The following INPP4B variants were observed in gnomAD, a reference collection of about 807,000 sequenced individuals.
The protein encoded by INPP4B is inositol polyphosphate-4-phosphatase type II B.
INPP4B carries 55 observed loss-of-function variants against 122.5 expected under a neutral mutation model. The observed-to-expected ratio is 0.45, with a 90% confidence interval of 0.36 to 0.56. INPP4B has a LOEUF of 0.56. Ranked by LOEUF, INPP4B falls within the 20% of genes least tolerant of loss-of-function variation. The probability of loss-of-function intolerance (pLI) is 0.00; values close to 1 mark genes in which losing one functional copy is unlikely to be tolerated. For synonymous variants in INPP4B, 403 were observed against 388.7 expected, an observed-to-expected ratio of 1.04 and a Z score of -0.43; for missense variants, 1,000 against 1,097.7, an observed-to-expected ratio of 0.91 and a Z score of 1.26.
chr4:142,173,481 T>C lies in INPP4B; in HGVS notation c.1359+151A>G, dbSNP rs1826538625. The C allele has an allele frequency of 6.4e-6, 4 of 628,458 alleles. No homozygotes were observed. In the East Asian group the frequency reaches 8.6e-5, roughly 14 times the overall value. The allele number at this position is 628,458 out of a possible 1,614,324, so 38.9% of individuals were successfully genotyped here. On this transcript the variant is annotated intron_variant, in intron 16 of 25. Transcript: ENST00000262992. ...TGAACAGAGAATGAGGCCAATTCAT[T>C]TTGATCCTGTGGCAATACTTTGAAG...
intron 2 of INPP4B, among the ~76,000 whole-genome samples, chr4:142,474,007 C>T (rs921847608): frequency 1.3e-5 from 2 of 152,210 alleles, no homozygotes; most frequent in Non-Finnish European, 2.9e-5. Context: ...GCATAGCTTC[C>T]TGTTGTCCCA....
intron 12 of INPP4B, among the ~76,000 whole-genome samples, chr4:142,212,716 G>C (rs1845435746): frequency 6.6e-6 from 1 of 152,136 alleles, no homozygotes. Flanking sequence ...CTGCTCCCCT[G>C]ACTCCACCAC....
At chr4:142,223,512 A>T (rs750441566) in intron 12 of INPP4B, among the ~76,000 whole-genome samples, 1 of 152,164 alleles carries the variant, frequency 6.6e-6, no homozygotes, top group Non-Finnish European at 1.5e-5. Flanking sequence ...CTTCTAAATG[A>T]GTTTTGCCTT....
At position 142,145,994 on chromosome 4, in the gene INPP4B, G is replaced by T; in HGVS notation, c.1566C>A (p.Asp522Glu). 1 of 1,607,670 alleles carries T rather than the reference G, an allele frequency of 6.2e-7. No homozygotes were observed. The highest frequency in any genetic ancestry group is 2.2e-5 in the East Asian group (1 of 44,816). The change falls in exon 18 of 26, where the codon GAC becomes GAA. Residue 522 changes from aspartate (D) to glutamate (E), a missense_variant and splice_region_variant. Asp to Glu is a conservative substitution (Grantham distance 45). Transcript: ENST00000262992. ...TCTTCCCCACATTGGCCCACACCCT[G>T]TCCTGAAAAAAGCATGAGTATCACT... ...HHSDYDEEEW[D>E]RVWANVGKSL...
intron 15 of INPP4B, among the ~76,000 whole-genome samples, chr4:142,180,324 C>T (rs1434072627): frequency 1.3e-5 from 2 of 151,280 alleles, no homozygotes; most frequent in African/African-American, 4.9e-5. Flanking sequence ...AATAAGAATA[C>T]AAAAAAAACA....
chr4:142,512,282 G>T (rs1278007040), intron 2 of INPP4B, among the ~76,000 whole-genome samples: 1 of 152,070 alleles, frequency 6.6e-6, no homozygotes, highest in African/African-American at 2.4e-5. Context: ...GGATACAGTT[G>T]TAACTGAAAA....
intron 12 of INPP4B, among the ~76,000 whole-genome samples, chr4:142,232,020 G>C (rs1393386046): frequency 6.6e-6 from 1 of 152,062 alleles, no homozygotes; most frequent in South Asian, 2.1e-4. Context: ...AAATATTGTC[G>C]ATGAGTGCTT....
chr4:142,457,300 A>T (rs1422887517), intron 3 of INPP4B, among the ~76,000 whole-genome samples: 1 of 152,180 alleles, frequency 6.6e-6, no homozygotes, highest in Non-Finnish European at 1.5e-5. Context: ...ATTGAAGTTG[A>T]AAACTTCCAC....
At chr4:142,391,448 G>A (rs1167661599) in intron 7 of INPP4B, among the ~76,000 whole-genome samples, 1 of 152,192 alleles carries the variant, frequency 6.6e-6, no homozygotes, top group Non-Finnish European at 1.5e-5. Context: ...TGTAATCCCA[G>A]TTACTTGGGA....
intron 1 of INPP4B, among the ~76,000 whole-genome samples, chr4:142,773,627 G>A (rs1773423622): frequency 6.6e-6 from 1 of 152,124 alleles, no homozygotes; most frequent in African/African-American, 2.4e-5. Flanking sequence ...TTCTTAAAGG[G>A]TAGATGTGTT....
At chr4:142,225,293 T>C (rs2149760371) in intron 12 of INPP4B, among the ~76,000 whole-genome samples, 1 of 152,302 alleles carries the variant, frequency 6.6e-6, no homozygotes, top group East Asian at 1.9e-4. Flanking sequence ...AGGGGCTCTC[T>C]GGCCTTTGGC....
chr4:142,658,028 CAT>C (rs1203209672), intron 2 of INPP4B, among the ~76,000 whole-genome samples: 1 of 152,170 alleles, frequency 6.6e-6, no homozygotes, highest in Non-Finnish European at 1.5e-5. Flanking sequence ...ATAATGTTCA[CAT>C]ATGTTCCAAA....
At chr4:142,094,177 C>A (rs1328733847) in intron 23 of INPP4B, among the ~76,000 whole-genome samples, 1 of 152,062 alleles carries the variant, frequency 6.6e-6, no homozygotes. Context: ...CCTCAAGATG[C>A]CTAAGATAGT....
At chr4:142,072,762 CTT>C (rs946783659) in intron 25 of INPP4B, among the ~76,000 whole-genome samples, 1 of 152,020 alleles carries the variant, frequency 6.6e-6, no homozygotes, top group African/African-American at 2.4e-5. Context: ...ATCATTGTCT[CTT>C]TTAGCGCTCA....
intron 11 of INPP4B, among the ~76,000 whole-genome samples, chr4:142,238,752 A>C (rs560382293): frequency 6.6e-6 from 1 of 152,228 alleles, no homozygotes; most frequent in East Asian, 1.9e-4. Flanking sequence ...AAAACTTCAG[A>C]AAAAGCATAT....
intron 2 of INPP4B, among the ~76,000 whole-genome samples, chr4:142,615,466 TTAAGA>T (rs1743497639): frequency 6.6e-6 from 1 of 152,152 alleles, no homozygotes; most frequent in Admixed American, 6.6e-5. Context: ...ATGTTTTAAG[TTAAGA>T]TAAGGAAGTC....
chr4:142,289,675 T>A (rs976638089), intron 9 of INPP4B, among the ~76,000 whole-genome samples: 1 of 152,200 alleles, frequency 6.6e-6, no homozygotes, highest in African/African-American at 2.4e-5. Context: ...GATAATGGCA[T>A]CCATCTCCAT....
At chr4:142,310,472 A>G (rs2151268506) in intron 8 of INPP4B, among the ~76,000 whole-genome samples, 1 of 152,296 alleles carries the variant, frequency 6.6e-6, no homozygotes, top group Non-Finnish European at 1.5e-5. Flanking sequence ...GCATTTTGTG[A>G]CATACATTAT....
chr4:142,366,065 C>T lies in INPP4B; in HGVS notation c.372+36873G>A, dbSNP rs148961360. Among the ~76,000 whole-genome samples the T allele has an allele frequency of 7.2e-4, 110 of 152,160 alleles. 1 individual carries two copies. The highest frequency in any genetic ancestry group is 2.6e-3 in the African/African-American group (108 of 41,536). On this transcript the variant is annotated intron_variant, in intron 7 of 25. Coordinates refer to ENST00000262992, the MANE Select transcript of INPP4B (RefSeq NM_001101669.3). ...AAGTGAAAATAGCCTTAACTGATGA[C>T]ATTCCACCATTGTAATTTGTTTCTG...
Sources: allele counts gnomAD v4.1 joint callset (sites outside exome capture counted in the v4.1 genomes callset), GRCh38; gene constraint gnomAD v4.1.1; transcripts MANE v1.5; gene names NCBI Gene and HGNC (gene_info 2026-07-23, HGNC 2026-07-21).